Variants in ADAMTS18 observed in about 807,000 individuals in gnomAD.
ADAMTS18 encodes the protein A disintegrin and metalloproteinase with thrombospondin motifs 18.
A neutral mutation model predicts 165.9 loss-of-function variants in ADAMTS18; 157 were observed. The ratio of observed to expected loss-of-function variants is 0.95; its 90% CI spans 0.83 to 1.08. The LOEUF (loss-of-function observed/expected upper bound fraction) is 1.08, where lower values mean the gene tolerates loss of function less well. Among genes scored for constraint, ADAMTS18 ranks in the 50% least tolerant of loss-of-function variants. The pLI is 0.00. For missense variants in ADAMTS18, 2,040 were observed against 1,534.0 expected, an observed-to-expected ratio of 1.33 and a Z score of -5.51; for synonymous variants, 782 against 578.2, an observed-to-expected ratio of 1.35 and a Z score of -5.06.
rs2056816836 is a variant in ADAMTS18, at chr16:77,367,616, T to C, written c.603A>G (p.Val201=). 1.2e-6 allele frequency: 2 copies of C among 1,614,148 alleles called. No individual in the cohort carries two copies. The highest frequency in any genetic ancestry group is 1.7e-5 in the Admixed American group (1 of 60,018). ...YSSPAGHHPH[V]LYKRTAEEKI... Reference sequence around the variant, plus strand: ...TCTCCTCTGCTGTCCTTTTGTACAGTACGTGAGGATGGTGACCCGCAGGGG... The same window carrying C: ...TCTCCTCTGCTGTCCTTTTGTACAGCACGTGAGGATGGTGACCCGCAGGGG... The change falls in exon 4 of 23, where the codon GTA becomes GTG. Residue 201 remains valine, a synonymous_variant. Transcript: ENST00000282849.
At chr16:77,309,895 G>C (rs1419546653) in intron 16 of ADAMTS18, among the ~76,000 whole-genome samples, 1 of 152,186 alleles carries the variant, frequency 6.6e-6, no homozygotes. Context: ...CTTCAGGAAA[G>C]CAAGTGTTTT....
intron 3 of ADAMTS18, among the ~76,000 whole-genome samples, chr16:77,376,194 C>T (rs2056949744): frequency 6.6e-6 from 1 of 152,172 alleles, no homozygotes; most frequent in Non-Finnish European, 1.5e-5. Flanking sequence ...TGAGCCACTG[C>T]ACCCGGCCGC....
chr16:77,300,528 T>C, intron 16 of ADAMTS18, 124 bp from the exon 17 acceptor site: 2 of 1,096,528 alleles, frequency 1.8e-6, no homozygotes, highest in East Asian at 2.5e-5. Context: ...GTATACTTCA[T>C]TGTTCCCAAG....
At chr16:77,397,449 A>T (rs1374531996) in intron 3 of ADAMTS18, among the ~76,000 whole-genome samples, 1 of 152,202 alleles carries the variant, frequency 6.6e-6, no homozygotes, top group Non-Finnish European at 1.5e-5. Flanking sequence ...ATATTAAAAG[A>T]AAGAAATAAC....
rs201395115 is a variant in ADAMTS18, at chr16:77,367,504, G to T, written c.715C>A (p.Arg239=). 28 of 1,614,172 alleles carry T rather than the reference G, an allele frequency of 1.7e-5. No homozygotes were observed. The highest frequency in any genetic ancestry group is 3.3e-4 in the Middle Eastern group (2 of 6,062). ...CTTCGATGGTGATACTCTGTCTCTCGACTCTGAGATGCATGGGGAATGTGA... is the reference window on the plus strand; with the variant it reads ...CTTCGATGGTGATACTCTGTCTCTCTACTCTGAGATGCATGGGGAATGTGA... ...PSHIPHASQS[R]ETEYHHRRLQ... is the part of the protein sequence containing the mutation. The change falls in exon 4 of 23, where the codon CGA becomes AGA. Residue 239 remains arginine, a synonymous_variant. Coordinates refer to ENST00000282849, the MANE Select transcript of ADAMTS18 (RefSeq NM_199355.4).
In ADAMTS18 at chr16:77,372,036, C is replaced by T. The variant is rs533913704; in HGVS notation, c.496-4313G>A. ...TATATGAAAAAAATGCTCAACATCACTAATTTTCAGGGAAATGCAAATCAA... is the reference window on the plus strand; with the variant it reads ...TATATGAAAAAAATGCTCAACATCATTAATTTTCAGGGAAATGCAAATCAA... On this transcript the variant is annotated intron_variant, in intron 3 of 22. Transcript: ENST00000282849. 3.9e-5 allele frequency among the ~76,000 whole-genome samples: 6 copies of T among 152,208 alleles called. No individual in the cohort carries two copies. In the South Asian group the frequency reaches 1.2e-3, roughly 32 times the overall value.
intron 3 of ADAMTS18, among the ~76,000 whole-genome samples, chr16:77,386,067 G>C (rs2057103314): frequency 6.6e-6 from 1 of 152,122 alleles, no homozygotes; most frequent in Non-Finnish European, 1.5e-5. Context: ...GTAACTTAGT[G>C]GTTATTCCAC....
chr16:77,292,082 G>A (rs2055374637), intron 20 of ADAMTS18, among the ~76,000 whole-genome samples: 1 of 152,140 alleles, frequency 6.6e-6, no homozygotes, highest in African/African-American at 2.4e-5. Context: ...GGGGCAGGTG[G>A]ATCACTTGAG....
intron 3 of ADAMTS18, among the ~76,000 whole-genome samples, chr16:77,377,823 A>C (rs1174313944): frequency 6.6e-6 from 1 of 152,214 alleles, no homozygotes; most frequent in Non-Finnish European, 1.5e-5. Context: ...TTTGTTGCCC[A>C]ACATGTACAA....
chr16:77,292,159 T>C (rs1001167197), intron 20 of ADAMTS18, among the ~76,000 whole-genome samples: 1 of 152,048 alleles, frequency 6.6e-6, no homozygotes, highest in Non-Finnish European at 1.5e-5. Flanking sequence ...ACCACATCTC[T>C]ATAAAAATTA....
intron 3 of ADAMTS18, among the ~76,000 whole-genome samples, chr16:77,394,818 T>G (rs1422800449): frequency 6.6e-6 from 1 of 152,224 alleles, no homozygotes; most frequent in Admixed American, 6.5e-5. Flanking sequence ...TCATCAGGCT[T>G]GAGATGGTCC....
intron 9 of ADAMTS18, among the ~76,000 whole-genome samples, chr16:77,355,119 A>G (rs2056609145): frequency 6.6e-6 from 1 of 152,134 alleles, no homozygotes; most frequent in Admixed American, 6.6e-5. Context: ...ATTCCCAAAG[A>G]AATTTCACTA....
intron 10 of ADAMTS18, among the ~76,000 whole-genome samples, chr16:77,349,183 G>C (rs1176391461): frequency 6.6e-6 from 1 of 152,120 alleles, no homozygotes; most frequent in Non-Finnish European, 1.5e-5. Context: ...GAAGTTAAAT[G>C]TTGGAACCCC....
Position 77,434,149 on chromosome 16 carries a change from ATT to A in ADAMTS18, c.178+267_178+268del, listed in dbSNP as rs36037118. Among the ~76,000 whole-genome samples, 878 of 148,156 alleles carry A rather than the reference ATT, an allele frequency of 5.9e-3. 8 individuals are homozygous for A. The highest frequency in any genetic ancestry group is 0.02 in the African/African-American group (799 of 39,992). On this transcript the variant is annotated intron_variant, in intron 2 of 22. Transcript: ENST00000282849. ...CTTCGAATTTCTCACTGCAGTTAGG[ATT>A]TTTTTTTTTTTCTTGTTCTTCTTAA...
chr16:77,377,789 G>C (rs1037304122), intron 3 of ADAMTS18, among the ~76,000 whole-genome samples: 1 of 152,016 alleles, frequency 6.6e-6, no homozygotes, highest in African/African-American at 2.4e-5. Flanking sequence ...ATCTAAGCAA[G>C]AACACTAAAG....
At chr16:77,354,564 G>A (rs1309952538) in intron 9 of ADAMTS18, among the ~76,000 whole-genome samples, 4 of 151,960 alleles carry the variant, frequency 2.6e-5, no homozygotes, top group Non-Finnish European at 2.9e-5. Context: ...TGGTACCACC[G>A]AGAAGTTAAT....
intron 3 of ADAMTS18, among the ~76,000 whole-genome samples, chr16:77,385,807 C>T (rs1015451031): frequency 6.6e-6 from 1 of 152,266 alleles, no homozygotes; most frequent in African/African-American, 2.4e-5. Flanking sequence ...ACAGCTGGTC[C>T]CAATTTTTTC....
At chr16:77,289,575 C>G in intron 21 of ADAMTS18, 164 bp from the exon 22 acceptor site, 1 of 770,898 alleles carries the variant, frequency 1.3e-6, no homozygotes. Flanking sequence ...TCTATCCTAA[C>G]AAGTGTGATC....
chr16:77,367,696 C>G lies in ADAMTS18; in HGVS notation c.523G>C (p.Glu175Gln). The change falls in exon 4 of 23, where the codon GAA becomes CAA. Residue 175 changes from glutamate to glutamine, a missense_variant. Coordinates refer to ENST00000282849, the MANE Select transcript of ADAMTS18 (RefSeq NM_199355.4). ...LSGLIRTRKN[E>Q]FLISPLPQLL... ...TGAGGTAATGGCGAGATGAGGAATT[C>G]ATTTTTTCGTGTCCTTATTAAACCT... 1.2e-6 allele frequency: 2 copies of G among 1,614,158 alleles called. No homozygotes were observed. The highest frequency in any genetic ancestry group is 1.7e-6 in the Non-Finnish European group (2 of 1,180,032).
Sources: gnomAD v4.1 joint callset for allele counts (sites outside exome capture counted in the v4.1 genomes callset) on GRCh38, gnomAD v4.1.1 for gene constraint, MANE v1.5 for transcripts, NCBI Gene and HGNC (gene_info 2026-07-23, HGNC 2026-07-21) for gene names.